Variants in GTPBP10 observed in about 807,000 individuals in gnomAD.
GTPBP10 encodes GTP-binding protein 10.
A neutral mutation model predicts 44.8 loss-of-function variants in GTPBP10; 38 were observed. The ratio of observed to expected loss-of-function variants is 0.85; its 90% CI spans 0.65 to 1.11. The LOEUF (loss-of-function observed/expected upper bound fraction) is 1.11. GTPBP10 is among the 50% of genes most tolerant of loss of function. The pLI is 0.00. For synonymous variants in GTPBP10, 152 were observed against 150.6 expected (o/e 1.01, Z -0.07); for missense variants, 462 against 453.7 (o/e 1.02, Z -0.17).
At chr7:90,359,222 C>T (rs1045355483) in intron 4 of GTPBP10, among the ~76,000 whole-genome samples, 2 of 151,802 alleles carry the variant, frequency 1.3e-5, no homozygotes, top group East Asian at 1.9e-4. Flanking sequence ...GGTATACATG[C>T]GCCATGTCGG....
intron 4 of GTPBP10, among the ~76,000 whole-genome samples, chr7:90,362,229 T>G (rs1273619702): frequency 1.3e-5 from 2 of 152,202 alleles, no homozygotes; most frequent in Admixed American, 6.5e-5. Context: ...GATGTTAGGG[T>G]GTCAATTTTA....
At chr7:90,355,024 T>A in intron 3 of GTPBP10, 62 bp from the exon 4 acceptor site, 1 of 1,025,082 alleles carries the variant, frequency 9.8e-7, no homozygotes, top group Admixed American at 2.6e-5. Context: ...GAAAGAAATA[T>A]ATTGCATTAG....
In GTPBP10 at chr7:90,348,194, G is replaced by A. The variant is rs961204343; in HGVS notation, c.33+1420G>A. On this transcript the variant is annotated intron_variant, in intron 1 of 9. Transcript: ENST00000222511. The stretch of plus-strand genomic sequence containing the variant: ...GATAGTGCCACGGCACTCGAGCCCA[G>A]GCACCAGAACCAGACCCTGTTTCAA... Among the ~76,000 whole-genome samples, 6 of 152,278 alleles carry A rather than the reference G, an allele frequency of 3.9e-5. No homozygotes were observed. The South Asian group carries it at 1.2e-3, about 32-fold the overall frequency.
rs560765092 is a variant in GTPBP10 at position 90,389,702 on chromosome 7, G to A, written c.*4548G>A. On this transcript the variant is annotated 3_prime_UTR_variant, in exon 10 of 10. Transcript: ENST00000222511. ...AGATAAACAGTGGACAAAAAGTGTTGGCAGATAACATGCATAATTTTAATT... is the reference window on the plus strand; with the variant it reads ...AGATAAACAGTGGACAAAAAGTGTTAGCAGATAACATGCATAATTTTAATT... 3 of 151,606 alleles carry A rather than the reference G, an allele frequency of 2.0e-5. No homozygotes were observed. The highest frequency in any genetic ancestry group is 6.6e-5 in the Admixed American group (1 of 15,234). 9.4% of individuals were successfully genotyped at this position (151,606 alleles called of 1,614,324 possible). A position where few individuals can be genotyped will look rare whatever the true frequency, so the allele number is the denominator to read the frequency against.
intron 4 of GTPBP10, among the ~76,000 whole-genome samples, chr7:90,355,597 A>G (rs187514587): frequency 6.6e-6 from 1 of 152,312 alleles, no homozygotes; most frequent in East Asian, 1.9e-4. Context: ...GAAGGAAATA[A>G]ACAGGGAAAA....
rs1796458581 is a variant in GTPBP10 at position 90,383,000 on chromosome 7, C to G, written c.822C>G (p.Leu274=). ...AGGAACTTCAGACAAAACCTGCACT[C>G]TTGGCAGTTAATAAAATGGACTTGC... The part of the protein sequence containing the change: ...YKEELQTKPA[L]LAVNKMDLPD... The change falls in exon 9 of 10, where the codon CTC becomes CTG. Residue 274 remains leucine (L), a synonymous_variant. Transcript: ENST00000222511. 1.3e-6 allele frequency: 2 copies of G among 1,598,492 alleles called. No homozygotes were observed. Among genetic ancestry groups the G allele is most frequent in the Non-Finnish European group, 1.7e-6 (2 of 1,169,728 alleles).
At chr7:90,367,668 G>A (rs978994725) in intron 4 of GTPBP10, among the ~76,000 whole-genome samples, 5 of 152,074 alleles carry the variant, frequency 3.3e-5, no homozygotes, top group South Asian at 2.1e-4. Flanking sequence ...TTGAGCCTGT[G>A]TGTGTCTTTG....
chr7:90,365,974 G>A (rs895056561), intron 4 of GTPBP10, among the ~76,000 whole-genome samples: 2 of 152,204 alleles, frequency 1.3e-5, no homozygotes, highest in African/African-American at 2.4e-5. Context: ...TTAGCATGAA[G>A]CGCTGTTGAA....
rs2115807732 is a variant in GTPBP10 at position 90,388,704 on chromosome 7, A to G, written c.*3550A>G. 1 of 152,338 alleles carries G rather than the reference A, an allele frequency of 6.6e-6. No homozygotes were observed. Among genetic ancestry groups the G allele is most frequent in the Middle Eastern group, 3.4e-3 (1 of 294 alleles). 9.4% of individuals were successfully genotyped at this position (152,338 alleles called of 1,614,324 possible). ...GGTTTTATCCAATTAGATTTCTTGTAAAGTTATGTGTTTTCTTTTATCTCA... is the reference window on the plus strand; with the variant it reads ...GGTTTTATCCAATTAGATTTCTTGTGAAGTTATGTGTTTTCTTTTATCTCA... On this transcript the variant is annotated 3_prime_UTR_variant, in exon 10 of 10. Transcript: ENST00000222511.
rs1304585354 is a variant in GTPBP10, at chr7:90,387,803, A to C, written c.*2649A>C. ...ACAAGAAAAGAATAAGAGTGAGGAA[A>C]AGCGTTTGGAATTTATAGTGATCAC... On this transcript the variant is annotated 3_prime_UTR_variant, in exon 10 of 10. Transcript: ENST00000222511. The C allele has an allele frequency of 6.6e-6, 1 of 152,248 alleles. No homozygotes were observed. Among genetic ancestry groups the C allele is most frequent in the Non-Finnish European group, 1.5e-5 (1 of 68,042 alleles). The allele number at this position is 152,248 out of a possible 1,614,324, so 9.4% of individuals were successfully genotyped here.
intron 7 of GTPBP10, 134 bp from the exon 8 acceptor site, chr7:90,378,000 T>G (rs1259660283): frequency 1.7e-6 from 2 of 1,163,298 alleles, no homozygotes; most frequent in East Asian, 5.4e-5. Flanking sequence ...TGTTACTTAT[T>G]TTGAATTACT....
rs572775527 is a variant in GTPBP10, at chr7:90,366,979, A to G, written c.465-5176A>G. ...TTAAGTGTGTCCCAGAGATTCTGAT[A>G]CATTATGTCTGTGTTCTCATTGGTT... On this transcript the variant is annotated intron_variant, in intron 4 of 9. Coordinates refer to ENST00000222511, the MANE Select transcript of GTPBP10 (RefSeq NM_033107.4). 3.0e-4 allele frequency among the ~76,000 whole-genome samples: 46 copies of G among 152,276 alleles called. No homozygotes were observed. The South Asian group carries it at 9.5e-3, about 32-fold the overall frequency.
Position 90,385,114 on chromosome 7 carries a change from C to T in GTPBP10, c.1124C>T (p.Ser375Leu). The T allele has an allele frequency of 6.2e-7, 1 of 1,610,860 alleles. No homozygotes were observed. The highest frequency in any genetic ancestry group is 1.1e-5 in the South Asian group (1 of 90,728). ...ACAATGTCTTCTACTGAGCCACCAT[C>T]AAAGCATGCTGTTACTACTTCCAAA... ...SDTMSSTEPPSKHAVTTSKMD... is the reference protein window; with the variant it reads ...SDTMSSTEPPLKHAVTTSKMD... Residue 375 changes from serine (S) to leucine (L), a missense_variant, in exon 10 of 10, where the codon TCA becomes TTA. Transcript: ENST00000222511.
At chr7:90,353,409 C>A (rs1795833569) in intron 2 of GTPBP10, among the ~76,000 whole-genome samples, 1 of 152,176 alleles carries the variant, frequency 6.6e-6, no homozygotes, top group African/African-American at 2.4e-5. Context: ...TTTTCTAAGA[C>A]TTTTCTGTGT....
chr7:90,360,992 C>T (rs975107663), intron 4 of GTPBP10, among the ~76,000 whole-genome samples: 8 of 152,280 alleles, frequency 5.3e-5, no homozygotes, highest in Middle Eastern at 3.4e-3. Flanking sequence ...ATTTTGTATC[C>T]TGAGACTTTG....
intron 4 of GTPBP10, among the ~76,000 whole-genome samples, chr7:90,356,876 T>G (rs558165117): frequency 6.6e-6 from 1 of 152,320 alleles, no homozygotes; most frequent in East Asian, 1.9e-4. Context: ...AATGAAATAC[T>G]AGGCTTTTCA....
chr7:90,369,822 G>A (rs926808468), intron 4 of GTPBP10, among the ~76,000 whole-genome samples: 1 of 152,158 alleles, frequency 6.6e-6, no homozygotes, highest in African/African-American at 2.4e-5. Flanking sequence ...TCCATGCACT[G>A]CACCCACTGC....
rs77906392 is a variant in GTPBP10, at chr7:90,369,681, A to G, written c.465-2474A>G. 1.9e-4 allele frequency among the ~76,000 whole-genome samples: 29 copies of G among 152,276 alleles called. 1 individual carries two copies. The East Asian group carries it at 5.4e-3, about 28-fold the overall frequency. ...ATTGCAAAGACTTGGGGAAAAGCGC[A>G]GTATTTAGGCAGGAGTGTACCACTC... On this transcript the variant is annotated intron_variant, in intron 4 of 9. Coordinates refer to ENST00000222511, the MANE Select transcript of GTPBP10 (RefSeq NM_033107.4).
At chr7:90,379,032 G>A (rs759929624) in intron 8 of GTPBP10, among the ~76,000 whole-genome samples, 5 of 152,028 alleles carry the variant, frequency 3.3e-5, no homozygotes, top group South Asian at 2.1e-4. Flanking sequence ...GATGCCCATC[G>A]GACATCTTCT....
Sources: allele counts gnomAD v4.1 joint callset (sites outside exome capture counted in the v4.1 genomes callset), GRCh38; gene constraint gnomAD v4.1.1; transcripts MANE v1.5; gene names NCBI Gene and HGNC (gene_info 2026-07-23, HGNC 2026-07-21).